TBC1D7: variants seen among roughly 807,000 people sequenced by gnomAD.
TBC1D7 encodes TBC domain family 7.
TBC1D7 carries 33 observed loss-of-function variants against 35.3 expected under a neutral mutation model. That is an observed-to-expected ratio of 0.93 (90% confidence interval 0.71 to 1.25). The LOEUF (loss-of-function observed/expected upper bound fraction) is 1.25. Among genes scored for constraint, TBC1D7 ranks in the 50% most tolerant of loss-of-function variants. The probability of loss-of-function intolerance (pLI) is 0.00; values close to 1 mark genes in which losing one functional copy is unlikely to be tolerated. For missense variants in TBC1D7, 362 were observed against 365.3 expected (o/e 0.99, Z 0.07); for synonymous variants, 135 against 129.5 (o/e 1.04, Z -0.29).
chr6:13,320,743 C>G (rs1250820013), intron 4 of TBC1D7, 165 bp downstream of exon 4: 1 of 756,954 alleles, frequency 1.3e-6, no homozygotes, highest in East Asian at 2.5e-5. Flanking sequence ...AAGGTTGGGT[C>G]AGAATGTGCA....
chr6:13,315,517 CG>C (rs1224905700), intron 5 of TBC1D7, among the ~76,000 whole-genome samples: 5 of 151,962 alleles, frequency 3.3e-5, no homozygotes, highest in Non-Finnish European at 7.4e-5. Context: ...AGTTCAAGAC[CG>C]GCCTGACCAA....
intron 5 of TBC1D7, among the ~76,000 whole-genome samples, chr6:13,315,983 T>C (rs1783579311): frequency 6.6e-6 from 1 of 152,216 alleles, no homozygotes; most frequent in African/African-American, 2.4e-5. Flanking sequence ...TGTGTTTACC[T>C]TTGCCTTCCC....
chr6:13,327,794 G>T (rs2127546909), intron 1 of TBC1D7: 1 of 152,322 alleles, frequency 6.6e-6, no homozygotes, highest in Admixed American at 6.5e-5. Context: ...GAACAGAAAA[G>T]ATCTGATGCA....
Position 13,326,768 on chromosome 6 carries a change from A to T in TBC1D7, c.112+19T>A. ...GGAGTGATTGAGAACCAATGAGATT[A>T]ATTTTTAAAAGTACTCACCCAGACG... On this transcript the variant is annotated intron_variant, in intron 2 of 7. Transcript: ENST00000379300. 1 of 1,494,848 alleles carries T rather than the reference A, an allele frequency of 6.7e-7. No individual in the cohort carries two copies. Among genetic ancestry groups the T allele is most frequent in the Non-Finnish European group, 9.3e-7 (1 of 1,076,766 alleles). The allele number at this position is 1,494,848 out of a possible 1,614,324, so 92.6% of individuals were successfully genotyped here.
rs1327693532 is a variant in TBC1D7 at position 13,314,142 on chromosome 6, T to C, written c.519+2429A>G. ...CTGGGATGAACCCGGGAGGTGGAGCTTGCAGTGAGCCGAGATTGCGCCACT... is the reference window on the plus strand; with the variant it reads ...CTGGGATGAACCCGGGAGGTGGAGCCTGCAGTGAGCCGAGATTGCGCCACT... On this transcript the variant is annotated intron_variant, in intron 5 of 7. Transcript: ENST00000379300. Among the ~76,000 whole-genome samples, 3 of 151,520 alleles carry C rather than the reference T, an allele frequency of 2.0e-5. No homozygotes were observed. The East Asian group carries it at 5.8e-4, about 29-fold the overall frequency.
chr6:13,318,180 G>A (rs543009638), intron 4 of TBC1D7: 14 of 152,378 alleles, frequency 9.2e-5, no homozygotes, highest in African/African-American at 2.6e-4. Context: ...CCTGAATCCT[G>A]GACTTCCCAG....
chr6:13,326,549 G>A (rs1441992591), intron 2 of TBC1D7, among the ~76,000 whole-genome samples: 2 of 151,400 alleles, frequency 1.3e-5, no homozygotes, highest in Non-Finnish European at 2.9e-5. Context: ...GAAAACATAT[G>A]GGTTCAATAA....
intron 2 of TBC1D7, among the ~76,000 whole-genome samples, chr6:13,326,183 CTGGGCA>C (rs1260439094): frequency 6.6e-6 from 1 of 152,110 alleles, no homozygotes; most frequent in Non-Finnish European, 1.5e-5. Context: ...AAATCATGGG[CTGGGCA>C]TGGTGACTCC....
chr6:13,310,109 G>A (rs531659037), intron 5 of TBC1D7, among the ~76,000 whole-genome samples: 1 of 152,294 alleles, frequency 6.6e-6, no homozygotes, highest in South Asian at 2.1e-4. Context: ...GGGGAATTTG[G>A]CAATATTTAG....
chr6:13,323,078 C>G (rs192739119), intron 3 of TBC1D7, among the ~76,000 whole-genome samples: 1 of 152,120 alleles, frequency 6.6e-6, no homozygotes, highest in Admixed American at 6.6e-5. Flanking sequence ...GTGGGCCGAG[C>G]GCGGTGTCTC....
Position 13,312,131 on chromosome 6 carries a change from C to T in TBC1D7, c.520-4386G>A, listed in dbSNP as rs138993701. ...CTTAACTTCTCTGTGCTTCAGTATC[C>T]TCATCTGTAAAAACAAAGATAATAT... On this transcript the variant is annotated intron_variant, in intron 5 of 7. Coordinates refer to ENST00000379300, the MANE Select transcript of TBC1D7 (RefSeq NM_016495.6). Among the ~76,000 whole-genome samples, 87 of 152,196 alleles carry T rather than the reference C, an allele frequency of 5.7e-4. 1 individual carries two copies. Among genetic ancestry groups the T allele is most frequent in the African/African-American group, 2.0e-3 (81 of 41,506 alleles).
At chr6:13,315,470 T>C (rs1458084286) in intron 5 of TBC1D7, among the ~76,000 whole-genome samples, 1 of 152,180 alleles carries the variant, frequency 6.6e-6, no homozygotes, top group African/African-American at 2.4e-5. Flanking sequence ...TCCCAGCACT[T>C]TGGGAGGCCA....
intron 5 of TBC1D7, among the ~76,000 whole-genome samples, chr6:13,309,169 G>C (rs577845384): frequency 6.6e-6 from 1 of 152,264 alleles, no homozygotes; most frequent in South Asian, 2.1e-4. Flanking sequence ...AATTTGGTTG[G>C]TTTTGCAAAG....
rs3823443 is a variant in TBC1D7 at position 13,308,057 on chromosome 6, A to G, written c.520-312T>C. ...TTCACTAGCCAGATTCAACAGCCTAAGGCAAAAGTCCAAAGCAAAATTCAG... is the reference window on the plus strand; with the variant it reads ...TTCACTAGCCAGATTCAACAGCCTAGGGCAAAAGTCCAAAGCAAAATTCAG... On this transcript the variant is annotated intron_variant, in intron 5 of 7. Transcript: ENST00000379300. 0.12 allele frequency among the ~76,000 whole-genome samples: 18,748 copies of G among 152,236 alleles called. 1,381 individuals are homozygous for G. Among genetic ancestry groups the G allele is most frequent in the East Asian group, 0.33 (1,731 of 5,172 alleles).
rs754598389 is a variant in TBC1D7 at position 13,325,075 on chromosome 6, C to T, written c.193+19G>A. The T allele has an allele frequency of 5.1e-6, 8 of 1,567,298 alleles. No individual in the cohort carries two copies. On this transcript the variant is annotated intron_variant, in intron 3 of 7. Coordinates refer to ENST00000379300, the MANE Select transcript of TBC1D7 (RefSeq NM_016495.6). ...TCAATATTTTTTAAGATAAATCTTC[C>T]AACTCCTGGGTCTCATACCTAGAAG...
Position 13,314,831 on chromosome 6 carries a change from A to G in TBC1D7, c.519+1740T>C, listed in dbSNP as rs375482118. 1.6e-4 allele frequency among the ~76,000 whole-genome samples: 25 copies of G among 152,332 alleles called. No individual in the cohort carries two copies. The East Asian group carries it at 2.5e-3, about 15-fold the overall frequency. ...ACTTTCAGTAGAATTTTAAAAGGAA[A>G]TAACCCAATGATTTAAGAAAAAAAG... On this transcript the variant is annotated intron_variant, in intron 5 of 7. Transcript: ENST00000379300.
intron 5 of TBC1D7, among the ~76,000 whole-genome samples, chr6:13,313,161 C>A (rs1022387682): frequency 6.6e-6 from 1 of 152,086 alleles, no homozygotes; most frequent in African/African-American, 2.4e-5. Context: ...CTTGAACACC[C>A]ATGAATTTTA....
chr6:13,316,357 A>G (rs1249965855), intron 5 of TBC1D7, among the ~76,000 whole-genome samples: 1 of 152,216 alleles, frequency 6.6e-6, no homozygotes, highest in Admixed American at 6.5e-5. Context: ...CTTTTGTGCA[A>G]CAACAGCAGA....
chr6:13,314,086 CG>C (rs1783423950), intron 5 of TBC1D7, among the ~76,000 whole-genome samples: 1 of 151,796 alleles, frequency 6.6e-6, no homozygotes, highest in Non-Finnish European at 1.5e-5. Flanking sequence ...GGCGTGGTGG[CG>C]GGTGCCTGTA....
Sources: gnomAD v4.1 joint callset for allele counts (sites outside exome capture counted in the v4.1 genomes callset) on GRCh38, gnomAD v4.1.1 for gene constraint, MANE v1.5 for transcripts, NCBI Gene and HGNC (gene_info 2026-07-23, HGNC 2026-07-21) for gene names.